TENM3: variants seen among roughly 807,000 people sequenced by gnomAD.
The protein encoded by TENM3 is teneurin-3.
In TENM3, 63 loss-of-function variants were observed where a neutral mutation model predicts 255.1. That is an observed-to-expected ratio of 0.25 (90% CI 0.20 to 0.30). The LOEUF is 0.30. Ranked by LOEUF, TENM3 falls within the 10% of genes least tolerant of loss-of-function variation. The pLI, the probability that TENM3 is intolerant of heterozygous loss-of-function variation, is 1.00. For missense variants in TENM3, 2,929 were observed against 3,461.1 expected (o/e 0.85, Z 3.86); for synonymous variants, 1,306 against 1,322.3 (o/e 0.99, Z 0.27).
At chr4:182,788,947 A>G (rs960574614) in intron 24 of TENM3, 146 bp from the exon 25 acceptor site, 2 of 623,038 alleles carry the variant, frequency 3.2e-6, no homozygotes, top group Non-Finnish European at 5.3e-6. Flanking sequence ...CAGTTAATCT[A>G]CTGCCTTGCA....
chr4:181,565,113 C>G, the TENM3 span, among the ~76,000 whole-genome samples: 1 of 152,210 alleles, frequency 6.6e-6, no homozygotes, highest in Non-Finnish European at 1.5e-5. Flanking sequence ...CCCGTTTAAA[C>G]TGTTCTCAAC....
At chr4:182,712,111 T>A (rs1758792195) in intron 12 of TENM3, among the ~76,000 whole-genome samples, 1 of 152,228 alleles carries the variant, frequency 6.6e-6, no homozygotes, top group South Asian at 2.1e-4. Context: ...GTATCACAAT[T>A]TGTGTTTTGT....
chr4:181,626,406 A>C, the TENM3 span, among the ~76,000 whole-genome samples: 1 of 152,190 alleles, frequency 6.6e-6, no homozygotes, highest in East Asian at 1.9e-4. Flanking sequence ...AATTAGTCTA[A>C]GATCATTTAT....
At chr4:181,779,438 GAC>G in the TENM3 span, among the ~76,000 whole-genome samples, 3 of 151,834 alleles carry the variant, frequency 2.0e-5, no homozygotes, top group Non-Finnish European at 2.9e-5. Flanking sequence ...TAACCAAGCT[GAC>G]ACAGTCCAAA....
the TENM3 span, among the ~76,000 whole-genome samples, chr4:181,697,850 T>G: frequency 3.9e-5 from 6 of 152,224 alleles, no homozygotes; most frequent in Admixed American, 3.3e-4. Flanking sequence ...ATGCCTACTC[T>G]GTGCAAACCA....
intron 3 of TENM3, among the ~76,000 whole-genome samples, chr4:182,505,535 A>G (rs1054566906): frequency 8.6e-5 from 13 of 151,798 alleles, no homozygotes; most frequent in East Asian, 3.9e-4. Flanking sequence ...CTGGAGTGCA[A>G]TGGCGCAACC....
chr4:182,312,853 T>C (rs896293977), intron 1 of TENM3, among the ~76,000 whole-genome samples: 1 of 152,218 alleles, frequency 6.6e-6, no homozygotes, highest in African/African-American at 2.4e-5. Flanking sequence ...ATTGGATCCT[T>C]GAGTGCCTTT....
the TENM3 span, among the ~76,000 whole-genome samples, chr4:181,885,552 C>A: frequency 1.3e-5 from 2 of 152,054 alleles, no homozygotes; most frequent in Non-Finnish European, 2.9e-5. Context: ...TGAGCCACCG[C>A]GCCTGGCCGA....
At chr4:182,379,025 G>A (rs911366469) in intron 3 of TENM3, among the ~76,000 whole-genome samples, 1 of 152,186 alleles carries the variant, frequency 6.6e-6, no homozygotes, top group Non-Finnish European at 1.5e-5. Context: ...GGAAGATCGA[G>A]CATCGGATTT....
chr4:182,059,006 G>A, the TENM3 span, among the ~76,000 whole-genome samples: 1 of 147,186 alleles, frequency 6.8e-6, no homozygotes, highest in Non-Finnish European at 1.5e-5. Context: ...AGTTGACTAA[G>A]CAGAAAGAGA....
intron 6 of TENM3, among the ~76,000 whole-genome samples, chr4:182,666,672 G>A (rs1206590422): frequency 2.0e-5 from 3 of 152,162 alleles, no homozygotes; most frequent in African/African-American, 7.2e-5. Context: ...CGAGGCTGGT[G>A]GATCGCTTGA....
intron 1 of TENM3, among the ~76,000 whole-genome samples, chr4:182,164,944 A>C (rs972357404): frequency 6.6e-6 from 1 of 151,976 alleles, no homozygotes; most frequent in Non-Finnish European, 1.5e-5. Flanking sequence ...ACTCCTCTCT[A>C]CTCTTTGTGT....
the TENM3 span, among the ~76,000 whole-genome samples, chr4:181,862,680 G>A: frequency 0.018 from 2,694 of 152,198 alleles, 39 homozygotes; most frequent in Middle Eastern, 0.048. Flanking sequence ...GAATAAAAAC[G>A]ATGTGTTTTT....
intron 19 of TENM3, among the ~76,000 whole-genome samples, chr4:182,746,616 C>A (rs1195731878): frequency 2.0e-5 from 3 of 152,116 alleles, no homozygotes; most frequent in Non-Finnish European, 2.9e-5. Flanking sequence ...GGATCCTGAA[C>A]AAGTGGCACA....
chr4:182,432,204 C>G (rs12646548), intron 3 of TENM3, among the ~76,000 whole-genome samples: 75,779 of 151,574 alleles, frequency 0.5, 19,155 homozygotes, highest in South Asian at 0.59. Flanking sequence ...ACATGAAATG[C>G]CAAAGAATAG....
the TENM3 span, among the ~76,000 whole-genome samples, chr4:182,054,207 C>T: frequency 0.061 from 9,339 of 152,248 alleles, 364 homozygotes; most frequent in Non-Finnish European, 0.073. Flanking sequence ...CCAAGATGGC[C>T]TCTCCCTTCT....
chr4:181,694,508 C>A, the TENM3 span, among the ~76,000 whole-genome samples: 1 of 152,166 alleles, frequency 6.6e-6, no homozygotes, highest in South Asian at 2.1e-4. Context: ...CAAAGGCAAG[C>A]TTAGAATTTA....
At chr4:182,326,111 A>G (rs1340586678) in intron 2 of TENM3, among the ~76,000 whole-genome samples, 1 of 152,236 alleles carries the variant, frequency 6.6e-6, no homozygotes, top group Admixed American at 6.5e-5. Flanking sequence ...CCAGGCGGCC[A>G]GGGAGGCCTT....
At chr4:182,517,217 C>T (rs62337232) in intron 3 of TENM3, among the ~76,000 whole-genome samples, 5,551 of 151,992 alleles carry the variant, frequency 0.037, 165 homozygotes, top group African/African-American at 0.081. Flanking sequence ...TAGTTGGAGA[C>T]GCTTATGGAA....
Sources: gnomAD v4.1 joint callset for allele counts (sites outside exome capture counted in the v4.1 genomes callset) on GRCh38, gnomAD v4.1.1 for gene constraint, MANE v1.5 for transcripts, NCBI Gene and HGNC (gene_info 2026-07-23, HGNC 2026-07-21) for gene names.